The following PAX8 variants were observed in gnomAD, a reference collection of about 807,000 sequenced individuals.
PAX8 encodes paired box protein Pax-8.
In PAX8, 15 loss-of-function variants were observed where a neutral mutation model predicts 52.4. That is an observed-to-expected ratio of 0.29 (90% CI 0.19 to 0.44). The LOEUF is 0.44. Among genes scored for constraint, PAX8 ranks in the 20% least tolerant of loss-of-function variants. PAX8 has a pLI of 1.00. For synonymous variants in PAX8, 284 were observed against 249.7 expected (o/e 1.14, Z -1.29); for missense variants, 554 against 602.5 (o/e 0.92, Z 0.84).
At chr2:113,222,871 TA>T (rs2104420286) in intron 10 of PAX8, among the ~76,000 whole-genome samples, 1 of 152,058 alleles carries the variant, frequency 6.6e-6, no homozygotes, top group Admixed American at 6.6e-5. Context: ...CTTGACCTTT[TA>T]GCTCATCCCT....
At chr2:113,259,234 C>T (rs551379516) in intron 2 of PAX8, 1 of 152,780 alleles carries the variant, frequency 6.5e-6, no homozygotes, top group East Asian at 1.9e-4. Context: ...ATTTCCCAAG[C>T]AGGGGACTCA....
rs1299558033 is a variant in PAX8 at position 113,241,974 on chromosome 2, G to C, written c.601+34C>G. On this transcript the variant is annotated intron_variant, in intron 6 of 11. Coordinates refer to ENST00000429538, the MANE Select transcript of PAX8 (RefSeq NM_003466.4). ...CAAAGCCTGAGCAAACTGCTCTCGT[G>C]CACCGCCCGCTGCCCTCCTGTCCCA... 3.7e-6 allele frequency: 6 copies of C among 1,610,982 alleles called. No individual in the cohort carries two copies. In the Admixed American group the frequency reaches 1.0e-4, roughly 27 times the overall value.
chr2:113,228,844 C>G (rs1480105381), intron 9 of PAX8, among the ~76,000 whole-genome samples: 3 of 152,192 alleles, frequency 2.0e-5, no homozygotes, highest in Non-Finnish European at 4.4e-5. Flanking sequence ...CAAGGGGTGC[C>G]TGGTCATGAC....
intron 9 of PAX8, chr2:113,230,551 G>A (rs2104441292): frequency 6.6e-6 from 1 of 152,292 alleles, no homozygotes; most frequent in Middle Eastern, 3.4e-3. Context: ...AGAGGCTTCT[G>A]AATCGGACAT....
At chr2:113,244,758 G>T (rs920557304) in intron 3 of PAX8, 134 bp from the exon 4 acceptor site, 5 of 818,988 alleles carry the variant, frequency 6.1e-6, no homozygotes, top group South Asian at 2.9e-5. Context: ...TCCAAGGCTG[G>T]TCTCAAACGC....
At chr2:113,242,561 T>A (rs1690950232) in intron 5 of PAX8, 129 bp downstream of exon 5, 3 of 775,834 alleles carry the variant, frequency 3.9e-6, no homozygotes, top group Non-Finnish European at 7.1e-6. Flanking sequence ...TACACATGGG[T>A]TTGTGAATGG....
At chr2:113,255,448 A>G (rs1692182851) in intron 2 of PAX8, 1 of 150,924 alleles carries the variant, frequency 6.6e-6, no homozygotes, top group Non-Finnish European at 1.5e-5. Flanking sequence ...CCACAGTCCA[A>G]AAAAAAAAGA....
chr2:113,226,964 A>G (rs1190514620), intron 10 of PAX8, 191 bp downstream of exon 10: 1 of 1,502,370 alleles, frequency 6.7e-7, no homozygotes, highest in African/African-American at 1.4e-5. Flanking sequence ...GGGCAAGTTA[A>G]ATAGGGAGTC....
chr2:113,229,615 A>G (rs566323567), intron 9 of PAX8, among the ~76,000 whole-genome samples: 4 of 152,362 alleles, frequency 2.6e-5, no homozygotes, highest in Admixed American at 2.6e-4. Flanking sequence ...TCATCAAGGG[A>G]ACAAATGAAG....
intron 7 of PAX8, chr2:113,240,831 G>T: frequency 7.1e-6 from 1 of 141,392 alleles, no homozygotes; most frequent in Non-Finnish European, 1.5e-5. Context: ...CGTTTCATGA[G>T]GCTTCCCTGT....
In PAX8 at chr2:113,242,686, T is replaced by G; in HGVS notation, c.478+4A>C. 1 of 1,605,548 alleles carries G rather than the reference T, an allele frequency of 6.2e-7. No homozygotes were observed. On this transcript the variant is annotated splice_donor_region_variant and intron_variant, in intron 5 of 11. Transcript: ENST00000429538. Reference sequence around the variant, plus strand: ...TGTGTGTATCCAGGTCTCTCAGCACTCACTCAGCGTGTGTCCGGGACTCAG... The same window carrying G: ...TGTGTGTATCCAGGTCTCTCAGCACGCACTCAGCGTGTGTCCGGGACTCAG...
At chr2:113,230,599 G>A (rs1032519800) in intron 9 of PAX8, 1 of 152,194 alleles carries the variant, frequency 6.6e-6, no homozygotes, top group Non-Finnish European at 1.5e-5. Context: ...ATGAAAGCTG[G>A]TCTTCCTGGA....
intron 9 of PAX8, among the ~76,000 whole-genome samples, chr2:113,230,021 C>A (rs1021164958): frequency 1.3e-5 from 2 of 152,242 alleles, no homozygotes; most frequent in African/African-American, 4.8e-5. Flanking sequence ...ACCACGTCTT[C>A]CTGCCTGTCA....
intron 3 of PAX8, among the ~76,000 whole-genome samples, chr2:113,244,865 C>G (rs1691179955): frequency 6.6e-6 from 1 of 152,074 alleles, no homozygotes; most frequent in African/African-American, 2.4e-5. Flanking sequence ...TGGCTTCTCT[C>G]TCTTCCTTCC....
At chr2:113,252,893 C>CA (rs1161822403) in intron 2 of PAX8, among the ~76,000 whole-genome samples, 1 of 151,980 alleles carries the variant, frequency 6.6e-6, no homozygotes, top group Non-Finnish European at 1.5e-5. Context: ...ATACATTAAA[C>CA]AAAAAAAATT....
intron 9 of PAX8, among the ~76,000 whole-genome samples, chr2:113,231,613 C>T (rs918993970): frequency 2.0e-5 from 3 of 152,204 alleles, no homozygotes; most frequent in African/African-American, 4.8e-5. Context: ...GGAAGATTCA[C>T]GCGGGTTAAA....
At chr2:113,224,000 G>T (rs1689399305) in intron 10 of PAX8, among the ~76,000 whole-genome samples, 1 of 151,934 alleles carries the variant, frequency 6.6e-6, no homozygotes, top group Non-Finnish European at 1.5e-5. Flanking sequence ...ACAGATAAAA[G>T]GATGTATATA....
At chr2:113,234,686 A>C (rs1573432980) in intron 9 of PAX8, among the ~76,000 whole-genome samples, 1 of 151,596 alleles carries the variant, frequency 6.6e-6, no homozygotes, top group East Asian at 1.9e-4. Context: ...ACACCCCCTA[A>C]TTTTTTGAAT....
intron 7 of PAX8, chr2:113,241,001 A>T: frequency 5.1e-6 from 1 of 196,436 alleles, no homozygotes; most frequent in Non-Finnish European, 1.1e-5. Context: ...GGAGAGGGTG[A>T]TGTTTGGCTG....
Sources: gnomAD v4.1 joint callset for allele counts (sites outside exome capture counted in the v4.1 genomes callset) on GRCh38, gnomAD v4.1.1 for gene constraint, MANE v1.5 for transcripts, NCBI Gene and HGNC (gene_info 2026-07-23, HGNC 2026-07-21) for gene names.